TG: variants seen among roughly 807,000 people sequenced by gnomAD.
The protein encoded by TG is thyroid hormones.
TG carries 270 observed loss-of-function variants against 324.7 expected under a neutral mutation model. The ratio of observed to expected loss-of-function variants is 0.83; its 90% CI spans 0.75 to 0.92. TG has a LOEUF of 0.92. Among genes scored for constraint, TG ranks in the 40% least tolerant of loss-of-function variants. TG has a pLI of 0.00. For synonymous variants in TG, 1,401 were observed against 1,327.0 expected, an observed-to-expected ratio of 1.06 and a Z score of -1.21; for missense variants, 3,591 against 3,456.4, an observed-to-expected ratio of 1.04 and a Z score of -0.98.
Position 133,039,847 on chromosome 8 carries a change from G to T in TG, c.7239+9824G>T, listed in dbSNP as rs184101208. On this transcript the variant is annotated intron_variant, in intron 41 of 47. Coordinates refer to ENST00000220616, the MANE Select transcript of TG (RefSeq NM_003235.5). ...ATTCCCTTGGTCTACACTTGTGGGG[G>T]GTGCTCACCCCCCAGTTTCAGCAGG... The T allele has an allele frequency of 6.0e-3, 8,102 of 1,361,160 alleles. 51 individuals carry two copies. The highest frequency in any genetic ancestry group is 6.3e-3 in the Non-Finnish European group (6,383 of 1,014,608). 84.3% of individuals were successfully genotyped at this position (1,361,160 alleles called of 1,614,324 possible). A position where few individuals can be genotyped will look rare whatever the true frequency, so the allele number is the denominator to read the frequency against.
chr8:133,024,242 C>CAA (rs1318424410), intron 40 of TG, among the ~76,000 whole-genome samples: 1 of 152,256 alleles, frequency 6.6e-6, no homozygotes, highest in Non-Finnish European at 1.5e-5. Flanking sequence ...CACGCCCTTT[C>CAA]AATTCCCTGT....
chr8:133,038,803 T>A, intron 41 of TG: 1 of 1,054,460 alleles, frequency 9.5e-7, no homozygotes. Flanking sequence ...GAGGAGGAGA[T>A]AAAGGGCAAG....
At chr8:132,950,193 T>G (rs1825908785) in intron 27 of TG, among the ~76,000 whole-genome samples, 1 of 152,200 alleles carries the variant, frequency 6.6e-6, no homozygotes, top group African/African-American at 2.4e-5. Context: ...CAGAGTGAGG[T>G]TGAGGGGAAG....
At chr8:132,972,002 T>C in intron 33 of TG, 129 bp downstream of exon 33, 2 of 746,086 alleles carry the variant, frequency 2.7e-6, no homozygotes, top group Non-Finnish European at 4.8e-6. Flanking sequence ...AATGGGGGCT[T>C]GGAGAGGGCA....
At position 133,047,702 on chromosome 8, in the gene TG, G is replaced by A. The variant is rs72729508; in HGVS notation, c.7239+17679G>A. The A allele has an allele frequency of 7.7e-3, 5,449 of 708,702 alleles. 44 individuals are homozygous for A. The highest frequency in any genetic ancestry group is 0.012 in the Non-Finnish European group (4,451 of 386,578). The allele number at this position is 708,702 out of a possible 1,614,324, so 43.9% of individuals were successfully genotyped here. ...CCCAGCAGCGTGTGGGCTGCAGGGA[G>A]CTTAACTACATTGGATCAATTTGCA... On this transcript the variant is annotated intron_variant, in intron 41 of 47. Transcript: ENST00000220616.
At chr8:133,049,982 C>A in intron 41 of TG, 1 of 1,610,564 alleles carries the variant, frequency 6.2e-7, no homozygotes, top group Non-Finnish European at 8.5e-7. Flanking sequence ...TCCACCAGCC[C>A]CCTTCACTGT....
At chr8:132,922,399 G>T (rs1481725148) in intron 21 of TG, among the ~76,000 whole-genome samples, 1 of 152,172 alleles carries the variant, frequency 6.6e-6, no homozygotes, top group Non-Finnish European at 1.5e-5. Context: ...ACAATAATGA[G>T]CAAAACCATA....
intron 21 of TG, among the ~76,000 whole-genome samples, chr8:132,921,323 C>T (rs1821082696): frequency 6.6e-6 from 1 of 152,196 alleles, no homozygotes; most frequent in Admixed American, 6.5e-5. Context: ...GCATTGATTG[C>T]ATTTTCATGC....
chr8:133,017,431 C>A (rs1471026073), intron 37 of TG, among the ~76,000 whole-genome samples: 1 of 152,054 alleles, frequency 6.6e-6, no homozygotes, highest in Non-Finnish European at 1.5e-5. Flanking sequence ...CCAGACCTCC[C>A]CAGGGGATTG....
intron 35 of TG, among the ~76,000 whole-genome samples, chr8:132,996,199 C>A (rs114603104): frequency 0.021 from 3,238 of 152,280 alleles, 111 homozygotes; most frequent in African/African-American, 0.073. Context: ...TGTAGTTATT[C>A]TTGCAGTGTA....
intron 41 of TG, among the ~76,000 whole-genome samples, chr8:133,056,577 C>T (rs561332095): frequency 4.3e-4 from 65 of 152,312 alleles, no homozygotes; most frequent in African/African-American, 1.5e-3. Flanking sequence ...TCCCAGCTGT[C>T]TCCTCTGAGC....
chr8:133,051,155 T>G (rs544377729), intron 41 of TG, among the ~76,000 whole-genome samples: 2 of 152,338 alleles, frequency 1.3e-5, no homozygotes, highest in Admixed American at 1.3e-4. Context: ...GGCCCTCATG[T>G]TCTCATCTGA....
chr8:133,130,025 A>G (rs2130381223), intron 45 of TG, among the ~76,000 whole-genome samples: 1 of 152,316 alleles, frequency 6.6e-6, no homozygotes, highest in East Asian at 1.9e-4. Context: ...TAAGTATATG[A>G]GCCAGAAACT....
rs551405953 is a variant in TG at position 133,104,445 on chromosome 8, G to A, written c.7572+8072G>A. Among the ~76,000 whole-genome samples the A allele has an allele frequency of 6.6e-5, 10 of 152,318 alleles. No individual in the cohort carries two copies. The East Asian group carries it at 1.9e-3, about 29-fold the overall frequency. On this transcript the variant is annotated intron_variant, in intron 43 of 47. Transcript: ENST00000220616. ...TTGTGGAAATCCAGGGGTTGAGCTA[G>A]TAACTTAAATTAGGGTTGCAGACAT...
chr8:133,134,606 A>G, intron 47 of TG, 70 bp from the exon 48 acceptor site: 2 of 1,413,110 alleles, frequency 1.4e-6, no homozygotes, highest in East Asian at 2.3e-5. Context: ...TCTTTGGGAC[A>G]AAAGGAAGGG....
intron 34 of TG, among the ~76,000 whole-genome samples, chr8:132,975,850 A>G (rs1830112354): frequency 6.6e-6 from 1 of 152,200 alleles, no homozygotes; most frequent in Non-Finnish European, 1.5e-5. Context: ...TGAAAAAGCC[A>G]TGATTTCTGT....
chr8:133,000,921 G>A (rs115592030), intron 35 of TG, among the ~76,000 whole-genome samples: 8 of 152,136 alleles, frequency 5.3e-5, no homozygotes, highest in African/African-American at 1.9e-4. Context: ...TCTGGAGGCT[G>A]CAAGTCTGAG....
At position 133,038,456 on chromosome 8, in the gene TG, C is replaced by T. The variant is rs373211338; in HGVS notation, c.7239+8433C>T. ...CCAGGGATCAGGGAACCTCGCTTTT[C>T]GCAAGATCCCAGGCAATAGTTGGAA... On this transcript the variant is annotated intron_variant, in intron 41 of 47. Coordinates refer to ENST00000220616, the MANE Select transcript of TG (RefSeq NM_003235.5). The T allele has an allele frequency of 1.2e-4, 159 of 1,300,448 alleles. 1 individual carries two copies. The South Asian group carries it at 1.4e-3, about 12-fold the overall frequency. 80.6% of individuals were successfully genotyped at this position (1,300,448 alleles called of 1,614,324 possible).
At chr8:133,017,400 G>A (rs1488817894) in intron 37 of TG, among the ~76,000 whole-genome samples, 2 of 151,996 alleles carry the variant, frequency 1.3e-5, no homozygotes, top group African/African-American at 4.8e-5. Flanking sequence ...TGTTGGCTGT[G>A]TTTAAAGGTG....
Sources: gnomAD v4.1 joint callset for allele counts (sites outside exome capture counted in the v4.1 genomes callset) on GRCh38, gnomAD v4.1.1 for gene constraint, MANE v1.5 for transcripts, NCBI Gene and HGNC (gene_info 2026-07-23, HGNC 2026-07-21) for gene names.